The following CPXM2 variants were observed in gnomAD, a reference collection of about 807,000 sequenced individuals.
CPXM2 encodes carboxypeptidase X, M14 family member 2.
CPXM2 carries 66 observed loss-of-function variants against 86.1 expected under a neutral mutation model. The ratio of observed to expected loss-of-function variants is 0.77; its 90% CI spans 0.63 to 0.94. CPXM2 has a LOEUF of 0.94. Among genes scored for constraint, CPXM2 ranks in the 40% least tolerant of loss-of-function variants. The pLI is 0.00. For missense variants in CPXM2, 948 were observed against 1,026.3 expected (o/e 0.92, Z 1.04); for synonymous variants, 388 against 400.2 (o/e 0.97, Z 0.36).
At chr10:123,795,932 C>A (rs1022008169) in intron 6 of CPXM2, among the ~76,000 whole-genome samples, 1 of 152,226 alleles carries the variant, frequency 6.6e-6, no homozygotes, top group East Asian at 1.9e-4. Context: ...TGAGTTCCTA[C>A]CCGCAGAGAA....
At chr10:123,790,166 C>T (rs1038480369) in intron 6 of CPXM2, among the ~76,000 whole-genome samples, 5 of 152,050 alleles carry the variant, frequency 3.3e-5, no homozygotes, top group African/African-American at 7.2e-5. Context: ...GGGTGCGAGC[C>T]GGAGTGGCGG....
At chr10:123,927,135 G>C (rs1257396518) in intron 2 of CPXM2, among the ~76,000 whole-genome samples, 1 of 152,024 alleles carries the variant, frequency 6.6e-6, no homozygotes, top group African/African-American at 2.4e-5. Flanking sequence ...ACTCCACAGG[G>C]GTCCCCTCAT....
chr10:123,894,988 G>A (rs1304080786), upstream of CPXM2, among the ~76,000 whole-genome samples: 2 of 152,254 alleles, frequency 1.3e-5, no homozygotes, highest in African/African-American at 4.8e-5. Flanking sequence ...AGAATCTGCA[G>A]GGCTAACCAA....
chr10:123,810,011 A>G (rs1446941713), intron 4 of CPXM2, among the ~76,000 whole-genome samples: 1 of 152,026 alleles, frequency 6.6e-6, no homozygotes. Flanking sequence ...GTTCATAGGA[A>G]ACAGACCCAA....
chr10:123,795,373 T>A (rs1322435709), intron 6 of CPXM2, among the ~76,000 whole-genome samples: 4 of 151,998 alleles, frequency 2.6e-5, no homozygotes, highest in Non-Finnish European at 4.4e-5. Flanking sequence ...AGCACCCTCA[T>A]CCGCCCCCAC....
intron 8 of CPXM2, among the ~76,000 whole-genome samples, chr10:123,769,247 T>G (rs1345916253): frequency 6.6e-6 from 1 of 151,942 alleles, no homozygotes; most frequent in Non-Finnish European, 1.5e-5. Context: ...AATGTATGTG[T>G]CCCCCCAAAA....
At position 123,796,097 on chromosome 10, in the gene CPXM2, C is replaced by T. The variant is rs75523311; in HGVS notation, c.889+1879G>A. On this transcript the variant is annotated intron_variant, in intron 6 of 13. Coordinates refer to ENST00000241305, the MANE Select transcript of CPXM2 (RefSeq NM_198148.3). ...AGTCGCCCTGTGCTGGAGAGCCCAGCGGGTCCAGGATGCCGGGACCAGTCC... is the reference window on the plus strand; with the variant it reads ...AGTCGCCCTGTGCTGGAGAGCCCAGTGGGTCCAGGATGCCGGGACCAGTCC... 6.0e-4 allele frequency among the ~76,000 whole-genome samples: 91 copies of T among 152,302 alleles called. 1 individual carries two copies. The East Asian group carries it at 0.016, about 27-fold the overall frequency.
intron 10 of CPXM2, among the ~76,000 whole-genome samples, chr10:123,765,625 C>T (rs538256333): frequency 7.9e-5 from 12 of 152,192 alleles, no homozygotes; most frequent in Non-Finnish European, 1.8e-4. Context: ...AACATGAGAG[C>T]AGATTTAGAA....
intron 2 of CPXM2, among the ~76,000 whole-genome samples, chr10:123,912,315 G>A (rs1238370521): frequency 7.7e-6 from 1 of 130,330 alleles, no homozygotes; most frequent in Non-Finnish European, 1.6e-5. Context: ...GGGCGGGGGG[G>A]GGGGGGCAGG....
intron 4 of CPXM2, among the ~76,000 whole-genome samples, chr10:123,825,356 A>C (rs1214876905): frequency 6.6e-6 from 1 of 152,216 alleles, no homozygotes; most frequent in Non-Finnish European, 1.5e-5. Flanking sequence ...TCAGACAGCA[A>C]ATGGAAGAAG....
At chr10:123,912,840 C>CAA in intron 2 of CPXM2, among the ~76,000 whole-genome samples, 1 of 152,360 alleles carries the variant, frequency 6.6e-6, no homozygotes, top group East Asian at 1.9e-4. Context: ...AGCCACACAA[C>CAA]AGGTTCAACT....
At chr10:123,902,887 A>G (rs565322659) in intron 2 of CPXM2, among the ~76,000 whole-genome samples, 120 of 152,338 alleles carry the variant, frequency 7.9e-4, no homozygotes, top group Middle Eastern at 6.8e-3. Flanking sequence ...TGTAAAGCAC[A>G]TGCTCATTAC....
At chr10:123,772,775 CCCTGGTTGTGGTTATCACCTT>C (rs1213749901) in intron 7 of CPXM2, among the ~76,000 whole-genome samples, 7 of 151,750 alleles carry the variant, frequency 4.6e-5, no homozygotes, top group Non-Finnish European at 8.8e-5. Flanking sequence ...GTTATCAGCT[CCCTGGTTGTGGTTATCACCTT>C]CCTGGTTGTG....
At chr10:123,922,780 A>G (rs1284998793) in intron 2 of CPXM2, among the ~76,000 whole-genome samples, 1 of 152,264 alleles carries the variant, frequency 6.6e-6, no homozygotes, top group Non-Finnish European at 1.5e-5. Context: ...TCCAAGAGGA[A>G]TGGAAGAACT....
Position 123,757,253 on chromosome 10 carries a change from C to G in CPXM2, c.1877G>C (p.Trp626Ser). 1 of 1,614,092 alleles carries G rather than the reference C, an allele frequency of 6.2e-7. No individual in the cohort carries two copies. The highest frequency in any genetic ancestry group is 1.1e-5 in the South Asian group (1 of 91,072). ...YPHESQLPEE[W>S]ENNRESLIVF... ...GATCAGAGATTCCCGGTTATTCTCC[C>G]ACTCCTCGGGCAGCTGGCTCTCATG... Residue 626 changes from tryptophan (W) to serine (S), a missense_variant, in exon 12 of 14, where the codon TGG (tryptophan) becomes TCG (serine). Transcript: ENST00000241305.
At chr10:123,896,964 C>G (rs531865596), upstream of CPXM2, among the ~76,000 whole-genome samples, 386 of 152,256 alleles carry the variant, frequency 2.5e-3, 1 homozygote, top group African/African-American at 8.9e-3. Context: ...AATTTGTCCC[C>G]TTGTCCTCTG....
intron 2 of CPXM2, among the ~76,000 whole-genome samples, chr10:123,908,501 CA>C (rs1291366275): frequency 2.6e-5 from 4 of 152,290 alleles, no homozygotes; most frequent in Admixed American, 6.5e-5. Context: ...AAGTCGGCCA[CA>C]AGGACTCAAT....
chr10:123,876,741 C>G (rs1252963029), intron 2 of CPXM2, among the ~76,000 whole-genome samples: 1 of 152,186 alleles, frequency 6.6e-6, no homozygotes. Flanking sequence ...AGCCCCTGTT[C>G]TAAGGCACAC....
chr10:123,779,613 A>T (rs1186056800), intron 7 of CPXM2, among the ~76,000 whole-genome samples: 1 of 152,118 alleles, frequency 6.6e-6, no homozygotes, highest in East Asian at 1.9e-4. Flanking sequence ...TAGCTTCACA[A>T]ATTTTCCCAG....
Sources: gnomAD v4.1 joint callset for allele counts (sites outside exome capture counted in the v4.1 genomes callset) on GRCh38, gnomAD v4.1.1 for gene constraint, MANE v1.5 for transcripts, NCBI Gene and HGNC (gene_info 2026-07-23, HGNC 2026-07-21) for gene names.